EPHA10: variants seen among roughly 807,000 people sequenced by gnomAD.
EPHA10 encodes the protein EPH receptor A10.
A neutral mutation model predicts 109.7 loss-of-function variants in EPHA10; 120 were observed. That is an observed-to-expected ratio of 1.09 (90% CI 0.94 to 1.27). The LOEUF (loss-of-function observed/expected upper bound fraction) is 1.27. EPHA10 is among the 50% of genes most tolerant of loss of function. The pLI is 0.00. For synonymous variants in EPHA10, 640 were observed against 618.9 expected (o/e 1.03, Z -0.51); for missense variants, 1,396 against 1,411.1 (o/e 0.99, Z 0.17).
chr1:37,721,345 A>G (rs1287795381), intron 11 of EPHA10, among the ~76,000 whole-genome samples: 2 of 150,506 alleles, frequency 1.3e-5, no homozygotes, highest in Non-Finnish European at 3.0e-5. Context: ...GGAGAATGGC[A>G]TGATCCCAGG....
intron 5 of EPHA10, 89 bp downstream of exon 5, chr1:37,752,787 G>A: frequency 1.3e-6 from 1 of 795,610 alleles, no homozygotes; most frequent in Non-Finnish European, 1.5e-6. Context: ...GGGTGGGTGG[G>A]GCTCCCGCAG....
intron 5 of EPHA10, 68 bp from the exon 6 acceptor site, chr1:37,735,458 G>A (rs1366171096): frequency 2.2e-5 from 33 of 1,520,762 alleles, no homozygotes; most frequent in Non-Finnish European, 2.8e-5. Flanking sequence ...GTGCGGGGAA[G>A]AGGGTGCGGC....
rs1024444496 is a variant in EPHA10, at chr1:37,753,006, G to T, written c.1227C>A (p.Ala409=). 2.2e-5 allele frequency: 27 copies of T among 1,230,648 alleles called. No homozygotes were observed. Among genetic ancestry groups the T allele is most frequent in the Non-Finnish European group, 2.6e-5 (26 of 987,494 alleles). 76.2% of individuals were successfully genotyped at this position (1,230,648 alleles called of 1,614,324 possible). A position where few individuals can be genotyped will look rare whatever the true frequency, so the allele number is the denominator to read the frequency against. The part of the protein sequence containing the change: ...LPRQAGLRER[A]ATLLHLRPGA... ...CGGGCCGCAGGTGCAGCAGCGTGGCGGCTCGCTCCCGCAGCCCTGCCTGGC... is the reference window on the plus strand; with the variant it reads ...CGGGCCGCAGGTGCAGCAGCGTGGCTGCTCGCTCCCGCAGCCCTGCCTGGC... Residue 409 remains alanine, a synonymous_variant, in exon 5 of 17, where the codon GCC becomes GCA. Transcript: ENST00000373048.
intron 1 of EPHA10, 149 bp from the exon 2 acceptor site, chr1:37,762,998 C>A: frequency 1.4e-6 from 1 of 692,336 alleles, no homozygotes; most frequent in Non-Finnish European, 2.4e-6. Flanking sequence ...TCCATACATC[C>A]CCAGGAGGGG....
At chr1:37,752,776 TG>T in intron 5 of EPHA10, 99 bp downstream of exon 5, 1 of 549,562 alleles carries the variant, frequency 1.8e-6, no homozygotes, top group Non-Finnish European at 2.1e-6. Flanking sequence ...TTCTCTGGGG[TG>T]GGTGGGTGGG....
At chr1:37,722,813 C>G (rs1433069645) in intron 10 of EPHA10, 1 of 678,372 alleles carries the variant, frequency 1.5e-6, no homozygotes, top group Non-Finnish European at 2.7e-6. Flanking sequence ...ACCTTGAGGA[C>G]CAGGAGAGGG....
At chr1:37,719,879 G>A (rs1424064948) in intron 14 of EPHA10, 30 bp downstream of exon 14, 3 of 1,613,824 alleles carry the variant, frequency 1.9e-6, no homozygotes, top group Non-Finnish European at 2.5e-6. Flanking sequence ...AGGGTCAGAA[G>A]GCATGCAGCT....
intron 7 of EPHA10, among the ~76,000 whole-genome samples, chr1:37,729,181 C>T (rs1001086502): frequency 6.6e-6 from 1 of 152,102 alleles, no homozygotes; most frequent in Non-Finnish European, 1.5e-5. Flanking sequence ...GCCAGCAAGA[C>T]CCTGAGCAGG....
chr1:37,714,991 C>A (rs1351357538), downstream of EPHA10: 1 of 152,340 alleles, frequency 6.6e-6, no homozygotes, highest in East Asian at 1.9e-4. Flanking sequence ...AGTGCCCACA[C>A]TGACAGCCAC....
At chr1:37,746,093 TTTC>T (rs1246892684) in intron 5 of EPHA10, among the ~76,000 whole-genome samples, 47 of 133,024 alleles carry the variant, frequency 3.5e-4, no homozygotes, top group African/African-American at 1.2e-3. Context: ...TCCCTTTTCT[TTTC>T]TTTTCTTTTT....
In EPHA10 at chr1:37,759,079, C is replaced by T. The variant is rs188502466; in HGVS notation, c.850+2326G>A. The stretch of plus-strand genomic sequence containing the variant: ...TTCTCCTGCACTATTGCACCATCTT[C>T]CTTCTTCATCTTCTGGCTCCTAATC... On this transcript the variant is annotated intron_variant, in intron 3 of 16. Coordinates refer to ENST00000373048, the MANE Select transcript of EPHA10 (RefSeq NM_001099439.2). Among the ~76,000 whole-genome samples the T allele has an allele frequency of 1.8e-4, 27 of 152,330 alleles. No homozygotes were observed. The East Asian group carries it at 4.4e-3, about 25-fold the overall frequency.
intron 5 of EPHA10, among the ~76,000 whole-genome samples, chr1:37,746,416 TAG>T (rs1557551293): frequency 6.6e-6 from 1 of 152,116 alleles, no homozygotes; most frequent in East Asian, 1.9e-4. Flanking sequence ...CCTTTTCTTA[TAG>T]AGATACCAGT....
Position 37,761,876 on chromosome 1 carries a change from T to G in EPHA10, c.379A>C (p.Asn127His), listed in dbSNP as rs765261354. 4 of 1,611,922 alleles carry G rather than the reference T, an allele frequency of 2.5e-6. No homozygotes were observed. The highest frequency in any genetic ancestry group is 2.5e-6 in the Non-Finnish European group (3 of 1,178,536). ...GCCTCAGTTTCCAGGTAGTAGACGTTGAAGGTCTCCTTGCAGGTACCCGCG... is the reference window on the plus strand; with the variant it reads ...GCCTCAGTTTCCAGGTAGTAGACGTGGAAGGTCTCCTTGCAGGTACCCGCG... ...GAAGTCKETFNVYYLETEADL... is the reference protein window; with the variant it reads ...GAAGTCKETFHVYYLETEADL... Residue 127 changes from asparagine to histidine, a missense_variant, in exon 3 of 17, where the codon AAC (asparagine) becomes CAC (histidine). Asn to His is a moderately conservative substitution (Grantham distance 68). Transcript: ENST00000373048.
intron 15 of EPHA10, 149 bp downstream of exon 15, chr1:37,719,265 G>C: frequency 1.1e-6 from 1 of 914,210 alleles, no homozygotes; most frequent in Non-Finnish European, 1.6e-6. Flanking sequence ...GGCCTGGGCA[G>C]GCAGGCAGGC....
In EPHA10 at chr1:37,720,496, G is replaced by A. The variant is rs768484221; in HGVS notation, c.2267C>T (p.Ser756Leu). 3 of 1,613,182 alleles carry A rather than the reference G, an allele frequency of 1.9e-6. No homozygotes were observed. The highest frequency in any genetic ancestry group is 1.7e-5 in the Admixed American group (1 of 59,966). Reference sequence around the variant, plus strand: ...CATCTCTGACAGATACTTCATGGCTGATGCCAGCCCAGGCAGCAACCCCAT... The same window carrying A: ...CATCTCTGACAGATACTTCATGGCTAATGCCAGCCCAGGCAGCAACCCCAT... The part of the protein sequence containing the change: ...QLMGLLPGLA[S>L]AMKYLSEMGY... The change falls in exon 13 of 17, where the codon TCA becomes TTA. Residue 756 changes from serine (S) to leucine (L), a missense_variant. Ser to Leu is a moderately radical substitution (Grantham distance 145). Coordinates refer to ENST00000373048, the MANE Select transcript of EPHA10 (RefSeq NM_001099439.2).
chr1:37,715,740 G>A (rs747899019), downstream of EPHA10: 11 of 372,156 alleles, frequency 3.0e-5, no homozygotes, highest in Non-Finnish European at 5.7e-5. Context: ...CCTGAGACTG[G>A]GTAACAGACT....
At position 37,731,478 on chromosome 1, in the gene EPHA10, A is replaced by T; in HGVS notation, c.1596T>A (p.Ala532=). The change falls in exon 7 of 17, where the codon GCT becomes GCA. Residue 532 remains alanine (A), a synonymous_variant. Coordinates refer to ENST00000373048, the MANE Select transcript of EPHA10 (RefSeq NM_001099439.2). ...ATRYVFQIRA[A]SPGPSWEAQS... Reference sequence around the variant, plus strand: ...GGGCCTCCCAGGATGGCCCCGGGGAAGCGGCCCGGATCTGAAAGACGTAGC... The same window carrying T: ...GGGCCTCCCAGGATGGCCCCGGGGATGCGGCCCGGATCTGAAAGACGTAGC... The T allele has an allele frequency of 6.2e-7, 1 of 1,613,978 alleles. No individual in the cohort carries two copies. Among genetic ancestry groups the T allele is most frequent in the Admixed American group, 1.7e-5 (1 of 60,014 alleles).
At chr1:37,737,912 A>C (rs987077054) in intron 5 of EPHA10, 1 of 149,238 alleles carries the variant, frequency 6.7e-6, no homozygotes, top group African/African-American at 2.5e-5. Context: ...ACTCAACAAC[A>C]AAGACCAAAT....
chr1:37,736,230 T>G (rs1367431380), intron 5 of EPHA10, among the ~76,000 whole-genome samples: 1 of 151,964 alleles, frequency 6.6e-6, no homozygotes, highest in Non-Finnish European at 1.5e-5. Context: ...GGTGGATCAC[T>G]TGACGTCAGG....
Sources: allele counts gnomAD v4.1 joint callset (sites outside exome capture counted in the v4.1 genomes callset), GRCh38; gene constraint gnomAD v4.1.1; transcripts MANE v1.5; gene names NCBI Gene and HGNC (gene_info 2026-07-23, HGNC 2026-07-21).